The following PRELID2 variants were observed in gnomAD, a reference collection of about 807,000 sequenced individuals.
PRELID2 encodes PRELI domain-containing protein 2.
Under a neutral mutation model 28.4 loss-of-function variants are expected in PRELID2, and 25 were observed. The ratio of observed to expected loss-of-function variants is 0.88; its 90% confidence interval spans 0.64 to 1.23. The LOEUF (loss-of-function observed/expected upper bound fraction) is 1.23, where lower values mean the gene tolerates loss of function less well. Ranked by LOEUF, PRELID2 falls within the 50% of genes most tolerant of loss-of-function variation. The probability of loss-of-function intolerance (pLI) is 0.00; values close to 1 mark genes in which losing one functional copy is unlikely to be tolerated. For missense variants in PRELID2, 201 were observed against 214.4 expected, an observed-to-expected ratio of 0.94 and a Z score of 0.39; for synonymous variants, 76 against 71.6, an observed-to-expected ratio of 1.06 and a Z score of -0.31.
intron 5 of PRELID2, among the ~76,000 whole-genome samples, chr5:145,768,103 T>C (rs1483322032): frequency 2.6e-5 from 4 of 151,444 alleles, no homozygotes; most frequent in Admixed American, 6.6e-5. Flanking sequence ...TGGGTGCCTG[T>C]AGTCCCAGCT....
chr5:145,486,480 TA>T (rs1401102430), intron 1 of PRELID2, among the ~76,000 whole-genome samples: 2 of 152,192 alleles, frequency 1.3e-5, no homozygotes, highest in Non-Finnish European at 2.9e-5. Flanking sequence ...CCAGTGCTCT[TA>T]AACTCTTCCT....
At chr5:145,400,972 G>C in the PRELID2 span, among the ~76,000 whole-genome samples, 1 of 152,150 alleles carries the variant, frequency 6.6e-6, no homozygotes, top group Admixed American at 6.5e-5. Context: ...ATTCACCACT[G>C]TCTGGTGGGT....
intron 1 of PRELID2, among the ~76,000 whole-genome samples, chr5:145,504,723 A>T (rs1382735458): frequency 1.3e-5 from 2 of 152,104 alleles, no homozygotes; most frequent in Non-Finnish European, 2.9e-5. Context: ...TTCCATTTAG[A>T]TTTTCCTTCA....
chr5:145,641,144 G>C (rs1347126433), intron 1 of PRELID2, among the ~76,000 whole-genome samples: 12 of 152,156 alleles, frequency 7.9e-5, no homozygotes, highest in Non-Finnish European at 1.5e-4. Flanking sequence ...AGGAAAAAGT[G>C]AGGTAAATTT....
intron 1 of PRELID2, among the ~76,000 whole-genome samples, chr5:145,735,221 G>A (rs567328794): frequency 1.3e-4 from 19 of 150,402 alleles, no homozygotes; most frequent in African/African-American, 4.2e-4. Flanking sequence ...CTCCAGCCCG[G>A]GCGACAGTGT....
At chr5:145,544,099 C>T (rs940800979) in intron 1 of PRELID2, among the ~76,000 whole-genome samples, 5 of 151,932 alleles carry the variant, frequency 3.3e-5, no homozygotes, top group South Asian at 2.1e-4. Context: ...AGGTGAGGGT[C>T]GGTGAGTCAG....
chr5:145,461,406 C>T, the PRELID2 span, among the ~76,000 whole-genome samples: 1 of 152,030 alleles, frequency 6.6e-6, no homozygotes, highest in African/African-American at 2.4e-5. Context: ...GGGTTCACGC[C>T]ATTCTCCTGC....
chr5:145,678,132 T>A (rs1754857213), intron 1 of PRELID2, among the ~76,000 whole-genome samples: 1 of 152,224 alleles, frequency 6.6e-6, no homozygotes, highest in Non-Finnish European at 1.5e-5. Context: ...AAAAACTTGA[T>A]GCTGAGGGTA....
the PRELID2 span, among the ~76,000 whole-genome samples, chr5:145,458,261 A>G: frequency 6.6e-6 from 1 of 152,356 alleles, no homozygotes; most frequent in African/African-American, 2.4e-5. Context: ...TGTATGAACA[A>G]TGTAACTGGT....
At chr5:145,331,509 C>T in the PRELID2 span, among the ~76,000 whole-genome samples, 1 of 152,152 alleles carries the variant, frequency 6.6e-6, no homozygotes. Flanking sequence ...GCATTAATCC[C>T]TTCATGACTA....
intron 1 of PRELID2, among the ~76,000 whole-genome samples, chr5:145,570,809 A>T (rs571595921): frequency 6.6e-6 from 1 of 152,356 alleles, no homozygotes; most frequent in South Asian, 2.1e-4. Flanking sequence ...TTTACAGAAT[A>T]AGTCAAGTCA....
chr5:145,279,460 A>C, the PRELID2 span, among the ~76,000 whole-genome samples: 8 of 152,164 alleles, frequency 5.3e-5, no homozygotes, highest in African/African-American at 1.9e-4. Flanking sequence ...TAACCTGCAT[A>C]GGCTTCAGTT....
chr5:145,784,621 C>A (rs1751864716), intron 5 of PRELID2, among the ~76,000 whole-genome samples: 1 of 151,964 alleles, frequency 6.6e-6, no homozygotes, highest in African/African-American at 2.4e-5. Context: ...CAATATTATT[C>A]ATAATAGTGA....
intron 1 of PRELID2, among the ~76,000 whole-genome samples, chr5:145,525,783 T>C (rs938675921): frequency 1.3e-5 from 2 of 152,214 alleles, no homozygotes; most frequent in Non-Finnish European, 2.9e-5. Flanking sequence ...TAACCATTTA[T>C]ACTGGGGTTT....
chr5:145,499,297 T>C (rs13177421), intron 1 of PRELID2, among the ~76,000 whole-genome samples: 31,712 of 152,180 alleles, frequency 0.21, 3,746 homozygotes, highest in South Asian at 0.37. Flanking sequence ...TATATCTGCA[T>C]GTTTATTTCT....
intron 4 of PRELID2, among the ~76,000 whole-genome samples, chr5:145,798,250 A>T (rs900362295): frequency 2.6e-5 from 4 of 152,178 alleles, no homozygotes; most frequent in African/African-American, 9.6e-5. Context: ...CATCAAACAG[A>T]TCATTATCCA....
chr5:145,636,584 T>C (rs1754005441), intron 1 of PRELID2, among the ~76,000 whole-genome samples: 1 of 152,226 alleles, frequency 6.6e-6, no homozygotes, highest in Non-Finnish European at 1.5e-5. Flanking sequence ...TAATTGCTCT[T>C]GGGTATTCCA....
rs117425627 is a variant in PRELID2 at position 145,647,861 on chromosome 5, G to A, written n.70+117070C>T. Reference sequence around the variant, plus strand: ...CCCTACTTTGGCTTGCCCTCTGTGGGCTGCACCAACTGTCCAACAAGTCCC... The same window carrying A: ...CCCTACTTTGGCTTGCCCTCTGTGGACTGCACCAACTGTCCAACAAGTCCC... On this transcript the variant is annotated intron_variant and non_coding_transcript_variant, in intron 1 of 2. Coordinates refer to the PRELID2 transcript ENST00000510259. 4.8e-4 allele frequency among the ~76,000 whole-genome samples: 73 copies of A among 152,288 alleles called. No homozygotes were observed. In the East Asian group the frequency reaches 0.013, roughly 27 times the overall value.
chr5:145,253,772 G>A, the PRELID2 span, among the ~76,000 whole-genome samples: 1 of 151,298 alleles, frequency 6.6e-6, no homozygotes, highest in East Asian at 1.9e-4. Context: ...AGACAATCAT[G>A]AAACATAAGC....
Sources: allele counts gnomAD v4.1 joint callset (sites outside exome capture counted in the v4.1 genomes callset), GRCh38; gene constraint gnomAD v4.1.1; transcripts MANE v1.5; gene names NCBI Gene and HGNC (gene_info 2026-07-23, HGNC 2026-07-21).